KHDRBS2: variants seen among roughly 807,000 people sequenced by gnomAD.
The protein encoded by KHDRBS2 is KH domain-containing, RNA-binding, signal transduction-associated protein 2.
A neutral mutation model predicts 44.3 loss-of-function variants in KHDRBS2; 26 were observed. The observed-to-expected ratio is 0.59, with a 90% CI of 0.43 to 0.81. The LOEUF (loss-of-function observed/expected upper bound fraction) is 0.81, where lower values mean the gene tolerates loss of function less well. KHDRBS2 is among the 40% of genes least tolerant of loss of function. The pLI, the probability that KHDRBS2 is intolerant of heterozygous loss-of-function variation, is 0.00. For synonymous variants in KHDRBS2, 194 were observed against 151.1 expected (o/e 1.28, Z -2.08); for missense variants, 476 against 433.1 (o/e 1.10, Z -0.88).
Position 62,161,783 on chromosome 6 carries a change from G to A in KHDRBS2, c.219+15402C>T, listed in dbSNP as rs537903688. Among the ~76,000 whole-genome samples, 228 of 150,894 alleles carry A rather than the reference G, an allele frequency of 1.5e-3. 2 individuals carry two copies. The South Asian group carries it at 0.017, about 11-fold the overall frequency. On this transcript the variant is annotated intron_variant, in intron 2 of 8. Coordinates refer to ENST00000281156, the MANE Select transcript of KHDRBS2 (RefSeq NM_152688.4). ...TTAAATTCCTTTCACATTTCCTTTTGTATATATTCTATAGCTATTTTCTTT... is the reference window on the plus strand; with the variant it reads ...TTAAATTCCTTTCACATTTCCTTTTATATATATTCTATAGCTATTTTCTTT...
the KHDRBS2 span, among the ~76,000 whole-genome samples, chr6:61,659,726 G>A: frequency 6.6e-6 from 1 of 151,500 alleles, no homozygotes; most frequent in Admixed American, 6.6e-5. Flanking sequence ...TAATCTTTGA[G>A]TGTATTAAAA....
the KHDRBS2 span, among the ~76,000 whole-genome samples, chr6:61,660,607 G>A: frequency 2.0e-5 from 3 of 151,804 alleles, no homozygotes; most frequent in East Asian, 2.0e-4. Context: ...TCAGCCATAC[G>A]TTTATTTCTC....
At chr6:61,921,508 A>G (rs1406068692) in intron 4 of KHDRBS2, among the ~76,000 whole-genome samples, 2 of 152,028 alleles carry the variant, frequency 1.3e-5, no homozygotes, top group African/African-American at 4.8e-5. Flanking sequence ...TTTTTTAAAA[A>G]ATTGTGAAAG....
chr6:62,206,562 AG>A (rs1054258794), intron 1 of KHDRBS2, among the ~76,000 whole-genome samples: 4 of 152,126 alleles, frequency 2.6e-5, no homozygotes, highest in African/African-American at 9.6e-5. Context: ...TCAATAAAAT[AG>A]GAAGAGTGAT....
At chr6:62,275,812 C>A (rs1478296670) in intron 1 of KHDRBS2, among the ~76,000 whole-genome samples, 1 of 152,070 alleles carries the variant, frequency 6.6e-6, no homozygotes, top group East Asian at 1.9e-4. Context: ...TGATTTATTG[C>A]TTTTTAAAAA....
At chr6:61,839,960 G>C (rs1583099695) in intron 6 of KHDRBS2, among the ~76,000 whole-genome samples, 1 of 152,176 alleles carries the variant, frequency 6.6e-6, no homozygotes, top group South Asian at 2.1e-4. Context: ...AATGAAAATA[G>C]TGCATATTAT....
chr6:62,137,369 T>C (rs1295465459), intron 2 of KHDRBS2, among the ~76,000 whole-genome samples: 1 of 152,172 alleles, frequency 6.6e-6, no homozygotes, highest in Non-Finnish European at 1.5e-5. Context: ...ATTTCTGGCA[T>C]GTAAATAGAC....
At chr6:61,606,788 T>C in the KHDRBS2 span, among the ~76,000 whole-genome samples, 1 of 152,212 alleles carries the variant, frequency 6.6e-6, no homozygotes, top group Non-Finnish European at 1.5e-5. Flanking sequence ...GGCAGTTTGT[T>C]TTTCTCTACA....
intron 4 of KHDRBS2, among the ~76,000 whole-genome samples, chr6:61,972,190 ATCTG>A (rs1277828965): frequency 6.6e-6 from 1 of 152,138 alleles, no homozygotes; most frequent in Non-Finnish European, 1.5e-5. Context: ...TGCTTCTTTT[ATCTG>A]TCTTCCAAGT....
At chr6:62,103,423 G>T (rs1802363315) in intron 2 of KHDRBS2, among the ~76,000 whole-genome samples, 10 of 152,350 alleles carry the variant, frequency 6.6e-5, no homozygotes. Flanking sequence ...CACACTGGCT[G>T]GGCTGCCACA....
intron 1 of KHDRBS2, among the ~76,000 whole-genome samples, chr6:62,205,093 A>G (rs1827715747): frequency 2.0e-5 from 3 of 152,232 alleles, no homozygotes; most frequent in Non-Finnish European, 1.5e-5. Context: ...CTAAACTTGA[A>G]GTTCATCTTG....
chr6:62,155,764 C>T (rs559259737), intron 2 of KHDRBS2, among the ~76,000 whole-genome samples: 115 of 152,284 alleles, frequency 7.6e-4, no homozygotes, highest in Admixed American at 3.9e-3. Context: ...TTCCCATATC[C>T]GTTTTCCACA....
intron 6 of KHDRBS2, among the ~76,000 whole-genome samples, chr6:61,754,863 A>G (rs1219207752): frequency 6.6e-6 from 1 of 152,178 alleles, no homozygotes; most frequent in Admixed American, 6.5e-5. Context: ...CTAAAATGAA[A>G]ATAATAGCAA....
intron 3 of KHDRBS2, among the ~76,000 whole-genome samples, chr6:62,036,876 G>T (rs1303934144): frequency 6.6e-6 from 1 of 151,872 alleles, no homozygotes; most frequent in Non-Finnish European, 1.5e-5. Context: ...CTTTAAGATT[G>T]CATAAACTAA....
chr6:61,886,308 G>A (rs1399529217), intron 6 of KHDRBS2, among the ~76,000 whole-genome samples: 6 of 152,018 alleles, frequency 3.9e-5, no homozygotes, highest in African/African-American at 1.4e-4. Context: ...TGTTCTTCCA[G>A]ATTCTTTAGA....
intron 6 of KHDRBS2, among the ~76,000 whole-genome samples, chr6:61,817,283 T>C (rs975489942): frequency 6.6e-6 from 1 of 152,110 alleles, no homozygotes; most frequent in African/African-American, 2.4e-5. Flanking sequence ...TATGATTTTC[T>C]TGTGTCCACG....
chr6:62,104,848 C>A (rs208981), intron 2 of KHDRBS2, among the ~76,000 whole-genome samples: 120,681 of 152,046 alleles, frequency 0.79, 48,461 homozygotes, highest in African/African-American at 0.91. Flanking sequence ...AAAATTAACA[C>A]AACAGTAGTT....
chr6:61,892,608 A>G (rs1228437156), intron 6 of KHDRBS2, among the ~76,000 whole-genome samples: 3 of 152,144 alleles, frequency 2.0e-5, no homozygotes, highest in African/African-American at 7.2e-5. Context: ...CATATCTACA[A>G]CTATCTGATC....
intron 2 of KHDRBS2, among the ~76,000 whole-genome samples, chr6:62,141,231 G>C (rs1422488794): frequency 6.6e-6 from 1 of 152,160 alleles, no homozygotes; most frequent in Non-Finnish European, 1.5e-5. Context: ...ATGAGAAAGA[G>C]AGAAGATATT....
Sources: gnomAD v4.1 joint callset for allele counts (sites outside exome capture counted in the v4.1 genomes callset) on GRCh38, gnomAD v4.1.1 for gene constraint, MANE v1.5 for transcripts, NCBI Gene and HGNC (gene_info 2026-07-23, HGNC 2026-07-21) for gene names.